Variants in ATP4B observed in about 807,000 individuals in gnomAD.
ATP4B encodes ATPase H+/K+ transporting subunit beta.
In ATP4B, 27 loss-of-function variants were observed where a neutral mutation model predicts 35.3. That is an observed-to-expected ratio of 0.76 (90% CI 0.56 to 1.05). The LOEUF is 1.05. Ranked by LOEUF, ATP4B falls within the 50% of genes least tolerant of loss-of-function variation. ATP4B has a pLI of 0.00. For missense variants in ATP4B, 375 were observed against 384.8 expected (o/e 0.97, Z 0.21); for synonymous variants, 162 against 156.0 (o/e 1.04, Z -0.29).
Position 113,658,093 on chromosome 13 carries a change from G to A in ATP4B, c.52C>T (p.Gln18Ter). The A allele has an allele frequency of 1.9e-6, 3 of 1,612,532 alleles. No individual in the cohort carries two copies. Among genetic ancestry groups the A allele is most frequent in the Non-Finnish European group, 2.5e-6 (3 of 1,179,716 alleles). The change falls in exon 1 of 7, where the codon CAG (glutamine) becomes TAG (stop). Residue 18 changes from glutamine to a stop codon, truncating the protein, a stop_gained. Coordinates refer to ENST00000335288, the MANE Select transcript of ATP4B (RefSeq NM_000705.4). LOFTEE classifies it high-confidence loss of function. ...GTGTCCGGGTTCCAGCAGTAACGCTGGAACTCCTCCATGCGCTGGCCACAC... is the reference window on the plus strand; with the variant it reads ...GTGTCCGGGTTCCAGCAGTAACGCTAGAACTCCTCCATGCGCTGGCCACAC... ...KTCGQRMEEFQRYCWNPDTGQ... is the reference protein window; with the variant it reads ...KTCGQRMEEF
Position 113,650,698 on chromosome 13 carries a change from T to C in ATP4B, c.613-191A>G, listed in dbSNP as rs1356093124. 6.6e-6 allele frequency among the ~76,000 whole-genome samples: 1 copy of C among 152,170 alleles called. No individual in the cohort carries two copies. Among genetic ancestry groups the C allele is most frequent in the Admixed American group, 6.5e-5 (1 of 15,286 alleles). ...GAGATCTCAGCAAGGATATGATTTG[T>C]TAGCATGCAAAATGCCCAGTGACCC... On this transcript the variant is annotated intron_variant, in intron 5 of 6. Transcript: ENST00000335288. This position sits in a 1 kb window ranked among gnomAD's most constrained non-coding sequence, Gnocchi z 5.0.
intron 1 of ATP4B, among the ~76,000 whole-genome samples, chr13:113,657,147 C>G (rs746104633): frequency 2.9e-4 from 44 of 152,140 alleles, no homozygotes; most frequent in Non-Finnish European, 5.3e-4. Flanking sequence ...CCCAGCACGT[C>G]TCAGCTACAC....
In ATP4B at chr13:113,652,885, A is replaced by T; in HGVS notation, c.543T>A (p.Ile181=). The change falls in exon 4 of 7, where the codon ATT becomes ATA. Residue 181 remains isoleucine (I), a synonymous_variant. Transcript: ENST00000335288. ...CCTCAGTACTCACCCTGTTCATTTTAATAATAAAACATGGCTTTCCTTCTT... is the reference window on the plus strand; with the variant it reads ...CCTCAGTACTCACCCTGTTCATTTTTATAATAAAACATGGCTTTCCTTCTT... The part of the protein sequence containing the change: ...GFEEGKPCFI[I]KMNRIVKFLP... The T allele has an allele frequency of 6.2e-7, 1 of 1,613,880 alleles. No individual in the cohort carries two copies. The highest frequency in any genetic ancestry group is 8.5e-7 in the Non-Finnish European group (1 of 1,179,784).
intron 4 of ATP4B, among the ~76,000 whole-genome samples, chr13:113,652,120 C>T (rs889387243): frequency 1.1e-4 from 16 of 152,334 alleles, no homozygotes; most frequent in African/African-American, 2.9e-4. Flanking sequence ...CTGGCCCACC[C>T]GGGCCTTCAG....
chr13:113,652,157 G>T (rs1178849968), intron 4 of ATP4B, among the ~76,000 whole-genome samples: 1 of 152,110 alleles, frequency 6.6e-6, no homozygotes, highest in Non-Finnish European at 1.5e-5. Flanking sequence ...TCTTCCCTGG[G>T]CTTCTCCAGC....
At position 113,654,256 on chromosome 13, in the gene ATP4B, G is replaced by C. The variant is rs568723776; in HGVS notation, c.241+558C>G. On this transcript the variant is annotated intron_variant, in intron 2 of 6. Coordinates refer to ENST00000335288, the MANE Select transcript of ATP4B (RefSeq NM_000705.4). ...GTTTAAAATAAAAACCTTCAGCAGGGTCTGAGGGAAAAGGAGGTTCTGCAC... is the reference window on the plus strand; with the variant it reads ...GTTTAAAATAAAAACCTTCAGCAGGCTCTGAGGGAAAAGGAGGTTCTGCAC... 2.0e-5 allele frequency among the ~76,000 whole-genome samples: 3 copies of C among 152,234 alleles called. No homozygotes were observed. In the South Asian group the frequency reaches 6.2e-4, roughly 32 times the overall value.
At chr13:113,655,092 CACAA>C (rs989678379) in intron 1 of ATP4B, 150 bp from the exon 2 acceptor site, 64 of 1,099,002 alleles carry the variant, frequency 5.8e-5, no homozygotes, top group Middle Eastern at 6.0e-4. Flanking sequence ...ACCCCGTCCC[CACAA>C]ACAGTCACTA....
Position 113,649,386 on chromosome 13 carries a change from C to A in ATP4B, c.864G>T (p.Lys288Asn). 6.3e-7 allele frequency: 1 copy of A among 1,594,602 alleles called. No homozygotes were observed. Among genetic ancestry groups the A allele is most frequent in the South Asian group, 1.1e-5 (1 of 88,302 alleles). ...TGCGCAAACCGTTTCACTTCTCAATCTTGAGTTTGAACTCCACTTTCCCTT... is the reference window on the plus strand; with the variant it reads ...TGCGCAAACCGTTTCACTTCTCAATATTGAGTTTGAACTCCACTTTCCCTT... ...PYEGKVEFKL[K>N]IEK Residue 288 changes from lysine (K) to asparagine (N), a missense_variant, in exon 7 of 7, where the codon AAG (lysine) becomes AAT (asparagine). Coordinates refer to ENST00000335288, the MANE Select transcript of ATP4B (RefSeq NM_000705.4). This position sits in a 1 kb window ranked among gnomAD's most constrained non-coding sequence, Gnocchi z 4.7.
At chr13:113,652,068 G>A (rs972101574) in intron 4 of ATP4B, among the ~76,000 whole-genome samples, 4 of 152,292 alleles carry the variant, frequency 2.6e-5, no homozygotes, top group Admixed American at 6.5e-5. Context: ...AGCACGGGCC[G>A]GCCTGCCTCC....
chr13:113,652,366 G>T (rs1364027686), intron 4 of ATP4B, among the ~76,000 whole-genome samples: 1 of 152,246 alleles, frequency 6.6e-6, no homozygotes, highest in Non-Finnish European at 1.5e-5. Flanking sequence ...GCTGCCCGGA[G>T]GCCCAGCACA....
chr13:113,656,133 C>T (rs1460576330), intron 1 of ATP4B, among the ~76,000 whole-genome samples: 2 of 152,212 alleles, frequency 1.3e-5, no homozygotes, highest in Admixed American at 1.3e-4. Context: ...GTGTGGGGCC[C>T]GCAGTGGTGG....
In ATP4B at chr13:113,650,421, G is replaced by A. The variant is rs780634880; in HGVS notation, c.699C>T (p.Tyr233=). The part of the protein sequence containing the change: ...GTFSLHYFPY[Y]GKKAQPHYSN... ...AGGAACCTACCTGGGCTTTCTTCCC[G>A]TAATAAGGGAAGTAGTGCAGACTGA... Residue 233 remains tyrosine (Y), a synonymous_variant, in exon 6 of 7, where the codon TAC becomes TAT. Coordinates refer to ENST00000335288, the MANE Select transcript of ATP4B (RefSeq NM_000705.4). This position sits in a 1 kb window ranked among gnomAD's most constrained non-coding sequence, Gnocchi z 5.0. The A allele has an allele frequency of 9.9e-6, 16 of 1,613,776 alleles. No individual in the cohort carries two copies. The highest frequency in any genetic ancestry group is 5.3e-5 in the African/African-American group (4 of 74,912).
intron 1 of ATP4B, 27 bp downstream of exon 1, chr13:113,658,006 C>T (rs958717332): frequency 9.6e-6 from 15 of 1,559,684 alleles, no homozygotes; most frequent in Middle Eastern, 1.8e-4. Flanking sequence ...CCTCCATGCA[C>T]CCAGCCGGCC....
In ATP4B at chr13:113,652,901, T is replaced by C. The variant is rs1269883155; in HGVS notation, c.527A>G (p.Lys176Arg). The C allele has an allele frequency of 4.3e-6, 7 of 1,614,086 alleles. No individual in the cohort carries two copies. The highest frequency in any genetic ancestry group is 1.6e-4 in the Middle Eastern group (1 of 6,084). ...ADPNFGFEEG[K>R]PCFIIKMNRI... Reference sequence around the variant, plus strand: ...GTTCATTTTAATAATAAAACATGGCTTTCCTTCTTCAAAGCCGAAGTTGGG... The same window carrying C: ...GTTCATTTTAATAATAAAACATGGCCTTCCTTCTTCAAAGCCGAAGTTGGG... Residue 176 changes from lysine (K) to arginine (R), a missense_variant, in exon 4 of 7, where the codon AAG becomes AGG. Coordinates refer to ENST00000335288, the MANE Select transcript of ATP4B (RefSeq NM_000705.4).
chr13:113,651,734 G>A lies in ATP4B; in HGVS notation c.556-7C>T. The A allele has an allele frequency of 6.2e-7, 1 of 1,613,590 alleles. No homozygotes were observed. The highest frequency in any genetic ancestry group is 8.5e-7 in the Non-Finnish European group (1 of 1,179,766). On this transcript the variant is annotated splice_polypyrimidine_tract_variant and splice_region_variant and intron_variant, in intron 4 of 6. Coordinates refer to ENST00000335288, the MANE Select transcript of ATP4B (RefSeq NM_000705.4). ...TGGGGAGGAACTTGACGATCTAGAA[G>A]GGAAAAGCTTGAGCGTGGCCGCTCC...
chr13:113,650,764 C>T lies in ATP4B; in HGVS notation c.613-257G>A, dbSNP rs770019919. 2.6e-5 allele frequency among the ~76,000 whole-genome samples: 4 copies of T among 152,120 alleles called. No homozygotes were observed. Among genetic ancestry groups the T allele is most frequent in the Non-Finnish European group, 4.4e-5 (3 of 68,022 alleles). Reference sequence around the variant, plus strand: ...ACAACTTGAAATGTTGGAAGGATGACGCAGGTGGGTGAAGCTGGGAGGCGG... The same window carrying T: ...ACAACTTGAAATGTTGGAAGGATGATGCAGGTGGGTGAAGCTGGGAGGCGG... On this transcript the variant is annotated intron_variant, in intron 5 of 6. Transcript: ENST00000335288. This position sits in a 1 kb window ranked among gnomAD's most constrained non-coding sequence, Gnocchi z 5.0.
chr13:113,656,363 C>T (rs999207897), intron 1 of ATP4B, among the ~76,000 whole-genome samples: 2 of 152,122 alleles, frequency 1.3e-5, no homozygotes, highest in East Asian at 1.9e-4. Flanking sequence ...GAGATGTGGG[C>T]GGTGCGTGTC....
intron 2 of ATP4B, 64 bp downstream of exon 2, chr13:113,654,750 C>T: frequency 2.5e-6 from 4 of 1,569,268 alleles, no homozygotes; most frequent in South Asian, 2.4e-5. Context: ...CGGGCGTCTC[C>T]AGAGCCGAGG....
At chr13:113,657,313 C>T (rs12018694) in intron 1 of ATP4B, among the ~76,000 whole-genome samples, 24,480 of 152,198 alleles carry the variant, frequency 0.16, 2,134 homozygotes, top group Admixed American at 0.22. Flanking sequence ...GCCCAGGGGT[C>T]GCAGGGGGAG....
Sources: allele counts gnomAD v4.1 joint callset (sites outside exome capture counted in the v4.1 genomes callset), GRCh38; gene constraint gnomAD v4.1.1; non-coding constraint Gnocchi (gnomAD v3.1); transcripts MANE v1.5; gene names NCBI Gene and HGNC (gene_info 2026-07-23, HGNC 2026-07-21).